Variants in CCDC141 observed in about 807,000 individuals in gnomAD.
CCDC141 encodes coiled-coil domain containing 141, also known as coiled-coil domain-containing protein 141.
A neutral mutation model predicts 181.0 loss-of-function variants in CCDC141; 168 were observed. That is an observed-to-expected ratio of 0.93 (90% CI 0.82 to 1.05). CCDC141 has a LOEUF of 1.05. Ranked by LOEUF, CCDC141 falls within the 50% of genes least tolerant of loss-of-function variation. The probability of loss-of-function intolerance (pLI) is 0.00; values close to 1 mark genes in which losing one functional copy is unlikely to be tolerated. For missense variants in CCDC141, 1,902 were observed against 1,788.5 expected (o/e 1.06, Z -1.14); for synonymous variants, 666 against 642.3 (o/e 1.04, Z -0.56).
intron 5 of CCDC141, among the ~76,000 whole-genome samples, chr2:178,955,280 G>C (rs962804811): frequency 6.6e-6 from 1 of 151,976 alleles, no homozygotes; most frequent in African/African-American, 2.4e-5. Context: ...GCGAGACTCT[G>C]TCTCAAAAAG....
intron 3 of CCDC141, among the ~76,000 whole-genome samples, chr2:178,976,206 G>T (rs1559020252): frequency 6.6e-6 from 1 of 152,128 alleles, no homozygotes. Flanking sequence ...AGATTCAACA[G>T]TAATTATCAC....
In CCDC141 at chr2:179,047,336, T is replaced by C; in HGVS notation, c.173A>G (p.Asp58Gly). The stretch of plus-strand genomic sequence containing the variant: ...ATCATGAAGAAGTTTTTTGGTTTCA[T>C]CTTGACTGCTGCCAATTTCTAGAAG... ...PNLLEIGSSQ[D>G]ETKKLLHDHE... Residue 58 changes from aspartate (D) to glycine (G), a missense_variant, in exon 2 of 24, where the codon GAT becomes GGT. Coordinates refer to ENST00000443758, the MANE Select transcript of CCDC141 (RefSeq NM_173648.4). 6.5e-7 allele frequency: 1 copy of C among 1,543,950 alleles called. No homozygotes were observed. The highest frequency in any genetic ancestry group is 8.7e-7 in the Non-Finnish European group (1 of 1,145,112).
intron 12 of CCDC141, chr2:178,876,039 T>C (rs2154369626): frequency 6.6e-6 from 1 of 152,330 alleles, no homozygotes; most frequent in East Asian, 1.9e-4. Flanking sequence ...TCTTTAGTGC[T>C]TAAGAATCAT....
At chr2:179,020,271 CTT>C (rs1194329065) in intron 2 of CCDC141, among the ~76,000 whole-genome samples, 2 of 152,058 alleles carry the variant, frequency 1.3e-5, no homozygotes, top group Non-Finnish European at 2.9e-5. Flanking sequence ...TTTTCCTACT[CTT>C]TGTCAGTTAT....
At chr2:178,968,876 G>T (rs1224037515) in intron 4 of CCDC141, among the ~76,000 whole-genome samples, 1 of 151,250 alleles carries the variant, frequency 6.6e-6, no homozygotes, top group East Asian at 1.9e-4. Context: ...AATGAAATAG[G>T]CACAATAAAA....
chr2:178,848,519 G>C (rs1168453486), intron 21 of CCDC141, among the ~76,000 whole-genome samples: 3 of 152,216 alleles, frequency 2.0e-5, no homozygotes, highest in African/African-American at 7.2e-5. Flanking sequence ...TGACTACACT[G>C]AGGGTGTAAG....
At chr2:178,964,687 T>C (rs1226473647) in intron 4 of CCDC141, among the ~76,000 whole-genome samples, 2 of 152,172 alleles carry the variant, frequency 1.3e-5, no homozygotes, top group Non-Finnish European at 2.9e-5. Context: ...GTTTCTTACG[T>C]TTTTCTTTTT....
At chr2:179,014,715 A>G (rs904175105) in intron 2 of CCDC141, among the ~76,000 whole-genome samples, 1 of 152,054 alleles carries the variant, frequency 6.6e-6, no homozygotes, top group African/African-American at 2.4e-5. Flanking sequence ...CAAAACCACA[A>G]TGCAATACCA....
chr2:178,934,734 A>G (rs949340140), intron 6 of CCDC141, among the ~76,000 whole-genome samples: 2 of 152,234 alleles, frequency 1.3e-5, no homozygotes, highest in Non-Finnish European at 2.9e-5. Context: ...TGAGTAGACT[A>G]ACAAGCCATA....
At chr2:178,965,933 G>A (rs1559012963) in intron 4 of CCDC141, among the ~76,000 whole-genome samples, 1 of 152,162 alleles carries the variant, frequency 6.6e-6, no homozygotes, top group Non-Finnish European at 1.5e-5. Flanking sequence ...CATCTTGGTG[G>A]GGGTAGGGGC....
At chr2:178,958,087 A>G (rs964305510) in intron 5 of CCDC141, among the ~76,000 whole-genome samples, 1 of 152,250 alleles carries the variant, frequency 6.6e-6, no homozygotes, top group African/African-American at 2.4e-5. Context: ...TGGACAAGGC[A>G]AAACTATGGG....
At chr2:178,948,946 A>C (rs965673759) in intron 5 of CCDC141, among the ~76,000 whole-genome samples, 6 of 152,218 alleles carry the variant, frequency 3.9e-5, no homozygotes, top group African/African-American at 1.4e-4. Flanking sequence ...TAGCAATGCA[A>C]AATGGACTAA....
chr2:178,878,966 G>A (rs1357760269), intron 11 of CCDC141, among the ~76,000 whole-genome samples: 1 of 151,986 alleles, frequency 6.6e-6, no homozygotes, highest in Non-Finnish European at 1.5e-5. Flanking sequence ...CAATAAACCA[G>A]AATAAAAAAG....
At chr2:178,969,518 A>G (rs999336052) in intron 4 of CCDC141, among the ~76,000 whole-genome samples, 4 of 152,228 alleles carry the variant, frequency 2.6e-5, no homozygotes, top group African/African-American at 9.6e-5. Flanking sequence ...AACCAATGAC[A>G]AAAAACACAT....
Position 178,831,904 on chromosome 2 carries a change from T to G in CCDC141, c.*2269A>C, listed in dbSNP as rs1684263278. The G allele has an allele frequency of 6.6e-6, 1 of 151,652 alleles. No homozygotes were observed. The highest frequency in any genetic ancestry group is 1.5e-5 in the Non-Finnish European group (1 of 68,044). The allele number at this position is 151,652 out of a possible 1,614,324, so 9.4% of individuals were successfully genotyped here. A position where few individuals can be genotyped will look rare whatever the true frequency, so the allele number is the denominator to read the frequency against. ...TCTCTCTCTAAAAATGGATTTTGCA[T>G]GCTTTTTTCCATCATAACCATGGAT... On this transcript the variant is annotated 3_prime_UTR_variant, in exon 24 of 24. Transcript: ENST00000443758.
chr2:178,974,117 T>C (rs1041849055), intron 4 of CCDC141, among the ~76,000 whole-genome samples: 1 of 152,150 alleles, frequency 6.6e-6, no homozygotes, highest in African/African-American at 2.4e-5. Context: ...CTTTGAGTTT[T>C]AGAAAGTTGT....
chr2:178,847,491 A>T (rs1684988240), intron 21 of CCDC141, among the ~76,000 whole-genome samples: 1 of 152,132 alleles, frequency 6.6e-6, no homozygotes, highest in African/African-American at 2.4e-5. Context: ...TGATAACACC[A>T]CTACACTCCA....
Position 178,853,449 on chromosome 2 carries a change from T to C in CCDC141, c.3236A>G (p.His1079Arg), listed in dbSNP as rs746973009. 6.2e-7 allele frequency: 1 copy of C among 1,614,018 alleles called. No individual in the cohort carries two copies. ...CTTAAAAGAGATCTCACCATATAAGTGCTGAGCAAGGTCAGTGGCCTCCTG... is the reference window on the plus strand; with the variant it reads ...CTTAAAAGAGATCTCACCATATAAGCGCTGAGCAAGGTCAGTGGCCTCCTG... ...RIQEATDLAQ[H>R]LYGLEEGQKY... The change falls in exon 20 of 24, where the codon CAC becomes CGC. Residue 1079 changes from histidine (H) to arginine (R), a missense_variant. His to Arg is a conservative substitution (Grantham distance 29). Transcript: ENST00000443758.
At chr2:178,815,732 C>T in the CCDC141 span, among the ~76,000 whole-genome samples, 3 of 152,134 alleles carry the variant, frequency 2.0e-5, no homozygotes, top group African/African-American at 7.2e-5. Flanking sequence ...CTTATAATAC[C>T]TAATACAATG....
Sources: allele counts gnomAD v4.1 joint callset (sites outside exome capture counted in the v4.1 genomes callset), GRCh38; gene constraint gnomAD v4.1.1; transcripts MANE v1.5; gene names NCBI Gene and HGNC (gene_info 2026-07-23, HGNC 2026-07-21).